GRM7: variants seen among roughly 807,000 people sequenced by gnomAD.
The protein encoded by GRM7 is glutamate metabotropic receptor 7, also known as metabotropic glutamate receptor 7.
A neutral mutation model predicts 84.5 loss-of-function variants in GRM7; 35 were observed. That is an observed-to-expected ratio of 0.41 (90% confidence interval 0.32 to 0.55). The LOEUF is 0.55. Among genes scored for constraint, GRM7 ranks in the 20% least tolerant of loss-of-function variants. The pLI, the probability that GRM7 is intolerant of heterozygous loss-of-function variation, is 0.19. For missense variants in GRM7, 1,003 were observed against 1,194.6 expected, an observed-to-expected ratio of 0.84 and a Z score of 2.36; for synonymous variants, 487 against 455.1, an observed-to-expected ratio of 1.07 and a Z score of -0.89.
At chr3:7,652,876 G>T (rs932919774) in intron 8 of GRM7, among the ~76,000 whole-genome samples, 5 of 152,166 alleles carry the variant, frequency 3.3e-5, no homozygotes, top group African/African-American at 1.2e-4. Context: ...CCAGGGCTAA[G>T]TATGTAGCAT....
chr3:6,885,746 A>G (rs1695668447), intron 1 of GRM7, among the ~76,000 whole-genome samples: 1 of 152,234 alleles, frequency 6.6e-6, no homozygotes, highest in Non-Finnish European at 1.5e-5. Flanking sequence ...TTTACCCCAC[A>G]AATGCCCGCA....
rs376685089 is a variant in GRM7, at chr3:7,298,660, A to G, written c.737-24A>G. 33 of 1,606,220 alleles carry G rather than the reference A, an allele frequency of 2.1e-5. No homozygotes were observed. In the African/African-American group the frequency reaches 3.5e-4, roughly 17 times the overall value. The stretch of plus-strand genomic sequence containing the variant: ...ACATCTCTGTGGAAACATTATTGAC[A>G]CTATGTTTTCTTCTCTTAAACAGGT... On this transcript the variant is annotated intron_variant, in intron 2 of 9. Transcript: ENST00000357716.
intron 4 of GRM7, among the ~76,000 whole-genome samples, chr3:7,395,016 C>T (rs555119229): frequency 2.6e-4 from 36 of 139,120 alleles, no homozygotes; most frequent in Non-Finnish European, 5.2e-4. Flanking sequence ...CCAGCCTGAG[C>T]AACAACAGTG....
At chr3:6,968,773 A>G (rs1170745152) in intron 1 of GRM7, among the ~76,000 whole-genome samples, 1 of 152,142 alleles carries the variant, frequency 6.6e-6, no homozygotes, top group East Asian at 1.9e-4. Context: ...GTTCCCCTCC[A>G]TATCTTTCAA....
chr3:7,017,370 G>T (rs535540418), intron 1 of GRM7, among the ~76,000 whole-genome samples: 2 of 152,216 alleles, frequency 1.3e-5, no homozygotes, highest in African/African-American at 4.8e-5. Flanking sequence ...GGGAAAATTT[G>T]TCTTCTCCAC....
chr3:7,499,135 C>A lies in GRM7; in HGVS notation c.1515+37413C>A, dbSNP rs369769048. Among the ~76,000 whole-genome samples, 142 of 152,194 alleles carry A rather than the reference C, an allele frequency of 9.3e-4. 3 individuals carry two copies. The South Asian group carries it at 0.025, about 27-fold the overall frequency. ...TCCATGTCTGTCTAGATGGGAAGAA[C>A]GGGGATGCCTTGGATATCTCTAACT... On this transcript the variant is annotated intron_variant, in intron 7 of 9. Coordinates refer to ENST00000357716, the MANE Select transcript of GRM7 (RefSeq NM_000844.4).
intron 8 of GRM7, among the ~76,000 whole-genome samples, chr3:7,659,712 G>A (rs1699351919): frequency 6.6e-6 from 1 of 152,148 alleles, no homozygotes; most frequent in Non-Finnish European, 1.5e-5. Context: ...ATCAAACTCT[G>A]GCTGGCTCCA....
chr3:7,711,448 A>G (rs1701573507), intron 9 of GRM7, among the ~76,000 whole-genome samples: 1 of 152,176 alleles, frequency 6.6e-6, no homozygotes, highest in African/African-American at 2.4e-5. Context: ...ATGAGGTCAG[A>G]ATTGCAGTTA....
intron 3 of GRM7, among the ~76,000 whole-genome samples, chr3:7,304,171 AG>A (rs949379613): frequency 4.6e-5 from 7 of 152,150 alleles, no homozygotes; most frequent in South Asian, 2.1e-4. Context: ...CTAATTGCGG[AG>A]GGAAAAATCT....
intron 8 of GRM7, among the ~76,000 whole-genome samples, chr3:7,649,821 GA>G (rs58013545): frequency 1.5e-4 from 22 of 149,246 alleles, no homozygotes; most frequent in East Asian, 1.2e-3. Flanking sequence ...GCTGGCAAAA[GA>G]AAAAAAAAAT....
chr3:6,997,463 G>A (rs1458791643), intron 1 of GRM7, among the ~76,000 whole-genome samples: 1 of 152,118 alleles, frequency 6.6e-6, no homozygotes, highest in Non-Finnish European at 1.5e-5. Flanking sequence ...CAGTAGCAAG[G>A]AGAAGTGCAG....
intron 2 of GRM7, among the ~76,000 whole-genome samples, chr3:7,280,658 T>G (rs1030645378): frequency 2.0e-5 from 3 of 152,192 alleles, no homozygotes; most frequent in African/African-American, 7.2e-5. Context: ...TAGTACAAGC[T>G]CAGAAAAGTG....
chr3:7,076,988 G>T (rs1698107184), intron 1 of GRM7, among the ~76,000 whole-genome samples: 1 of 152,102 alleles, frequency 6.6e-6, no homozygotes, highest in African/African-American at 2.4e-5. Flanking sequence ...ATCATCACTG[G>T]TCATTAGAGA....
intron 9 of GRM7, among the ~76,000 whole-genome samples, chr3:7,689,992 G>C (rs1700737021): frequency 6.6e-6 from 1 of 152,118 alleles, no homozygotes; most frequent in Non-Finnish European, 1.5e-5. Context: ...GCTACAGGTG[G>C]AGACCATCAC....
At chr3:6,927,463 G>GAGAGAAAGAAAGAAAGAA (rs1553595155) in intron 1 of GRM7, among the ~76,000 whole-genome samples, 13 of 93,298 alleles carry the variant, frequency 1.4e-4, no homozygotes, top group East Asian at 2.5e-4. Context: ...GAAAGAGAGA[G>GAGAGAAAGAAAGAAAGAA]AGAAAGAAAG....
chr3:7,100,023 ACATATATATG>A (rs1699056909), intron 1 of GRM7, among the ~76,000 whole-genome samples: 1 of 148,962 alleles, frequency 6.7e-6, no homozygotes, highest in Admixed American at 6.8e-5. Flanking sequence ...TATGTAATAT[ACATATATATG>A]CATATGTATA....
rs2125140496 is a variant in GRM7 at position 7,680,030 on chromosome 3, T to C, written c.2452-19T>C. 6.2e-7 allele frequency: 1 copy of C among 1,613,016 alleles called. No individual in the cohort carries two copies. The highest frequency in any genetic ancestry group is 8.5e-7 in the Non-Finnish European group (1 of 1,179,076). On this transcript the variant is annotated intron_variant, in intron 8 of 9. Transcript: ENST00000357716. Reference sequence around the variant, plus strand: ...AGTCATTTTATTTGTAATAGTGCCTTGTGTGTTGTGTCTCCTAGCTCTACA... The same window carrying C: ...AGTCATTTTATTTGTAATAGTGCCTCGTGTGTTGTGTCTCCTAGCTCTACA...
intron 8 of GRM7, among the ~76,000 whole-genome samples, chr3:7,673,561 G>A (rs968996804): frequency 6.6e-6 from 1 of 151,026 alleles, no homozygotes; most frequent in East Asian, 1.9e-4. Context: ...ATAGTGGCAT[G>A]ATTTTACATA....
At chr3:6,868,432 A>G (rs1695007695) in intron 1 of GRM7, among the ~76,000 whole-genome samples, 1 of 152,210 alleles carries the variant, frequency 6.6e-6, no homozygotes, top group South Asian at 2.1e-4. Context: ...TTAATTTTGT[A>G]GGCCCATAGA....
Sources: allele counts gnomAD v4.1 joint callset (sites outside exome capture counted in the v4.1 genomes callset), GRCh38; gene constraint gnomAD v4.1.1; transcripts MANE v1.5; gene names NCBI Gene and HGNC (gene_info 2026-07-23, HGNC 2026-07-21).